Variants in CSMD1 observed in about 807,000 individuals in gnomAD.
The protein encoded by CSMD1 is CUB and sushi domain-containing protein 1.
Under a neutral mutation model 417.5 loss-of-function variants are expected in CSMD1, and 213 were observed. The observed-to-expected ratio is 0.51, with a 90% CI of 0.46 to 0.57. The LOEUF is 0.57. Among genes scored for constraint, CSMD1 ranks in the 20% least tolerant of loss-of-function variants. CSMD1 has a pLI of 0.00. For missense variants in CSMD1, 6,923 were observed against 4,529.7 expected (o/e 1.53, Z -15.17); for synonymous variants, 2,862 against 1,736.8 (o/e 1.65, Z -16.11).
intron 26 of CSMD1, among the ~76,000 whole-genome samples, chr8:3,252,001 C>T (rs2117036570): frequency 6.6e-6 from 1 of 152,310 alleles, no homozygotes. Flanking sequence ...AGAATCATGT[C>T]ATCTGCAAAC....
At chr8:4,796,264 C>G (rs1017162747) in intron 1 of CSMD1, among the ~76,000 whole-genome samples, 4 of 151,944 alleles carry the variant, frequency 2.6e-5, no homozygotes, top group African/African-American at 9.7e-5. Flanking sequence ...GAGGCTGGAA[C>G]AAGGAGCTGG....
intron 3 of CSMD1, among the ~76,000 whole-genome samples, chr8:4,207,133 G>C (rs1031848284): frequency 1.3e-5 from 2 of 152,256 alleles, no homozygotes; most frequent in East Asian, 1.9e-4. Context: ...AAATAGGACA[G>C]TTGGTAAAAA....
chr8:3,847,993 G>C (rs1803625274), intron 5 of CSMD1, among the ~76,000 whole-genome samples: 1 of 151,870 alleles, frequency 6.6e-6, no homozygotes, highest in Admixed American at 6.6e-5. Flanking sequence ...TCTCTATTCT[G>C]TGTATCTTGG....
intron 39 of CSMD1, 30 bp from the exon 40 acceptor site, chr8:3,151,543 A>G (rs756309087): frequency 3.6e-6 from 5 of 1,401,576 alleles, no homozygotes; most frequent in Non-Finnish European, 2.0e-6. Flanking sequence ...TCAGTCCTGC[A>G]GGTCCTCACT....
intron 26 of CSMD1, among the ~76,000 whole-genome samples, chr8:3,248,623 G>T (rs1800053444): frequency 7.2e-6 from 1 of 138,132 alleles, no homozygotes; most frequent in Admixed American, 8.4e-5. Context: ...TCCACCTCCT[G>T]GGTTCACGCT....
rs1045889926 is a variant in CSMD1, at chr8:4,888,077, C to T, written c.85+106255G>A. ...ATTTACTCTGAAGATAAACTTTCAA[C>T]AATGTAAAAATACATATGTACACTC... On this transcript the variant is annotated intron_variant, in intron 1 of 69. Coordinates refer to ENST00000635120, the MANE Select transcript of CSMD1 (RefSeq NM_033225.6). 6.6e-5 allele frequency among the ~76,000 whole-genome samples: 10 copies of T among 151,638 alleles called. 1 individual carries two copies. The South Asian group carries it at 2.1e-3, about 32-fold the overall frequency.
intron 3 of CSMD1, among the ~76,000 whole-genome samples, chr8:4,348,044 C>G (rs1282477799): frequency 6.6e-6 from 1 of 152,100 alleles, no homozygotes; most frequent in Non-Finnish European, 1.5e-5. Flanking sequence ...AGATTAGTTA[C>G]AACATACTCC....
intron 1 of CSMD1, among the ~76,000 whole-genome samples, chr8:4,752,574 G>A (rs1992202): frequency 0.45 from 68,241 of 151,950 alleles, 16,033 homozygotes; most frequent in East Asian, 0.62. Context: ...TGAAAACGAA[G>A]TGAATTAAAT....
chr8:3,720,173 G>T (rs1362225536), intron 6 of CSMD1, among the ~76,000 whole-genome samples: 2 of 152,164 alleles, frequency 1.3e-5, no homozygotes, highest in Non-Finnish European at 2.9e-5. Flanking sequence ...ACAGGAAGCT[G>T]GGGATGAACC....
At chr8:4,072,066 C>G (rs1041925248) in intron 3 of CSMD1, among the ~76,000 whole-genome samples, 2 of 152,174 alleles carry the variant, frequency 1.3e-5, no homozygotes, top group Admixed American at 6.5e-5. Context: ...GGTTTTGCCA[C>G]CAGCACTGAC....
At chr8:4,597,365 A>C (rs1289888814) in intron 2 of CSMD1, among the ~76,000 whole-genome samples, 2 of 152,256 alleles carry the variant, frequency 1.3e-5, no homozygotes, top group East Asian at 3.9e-4. Flanking sequence ...TCACAGACCT[A>C]AAGTAGTGTG....
intron 26 of CSMD1, chr8:3,278,864 G>A (rs756915351): frequency 1.3e-5 from 2 of 152,210 alleles, no homozygotes; most frequent in African/African-American, 2.4e-5. Context: ...GGGGACGAAT[G>A]TGGGTGGAGT....
chr8:4,237,853 T>C (rs1802160834), intron 3 of CSMD1, among the ~76,000 whole-genome samples: 1 of 152,140 alleles, frequency 6.6e-6, no homozygotes, highest in Admixed American at 6.5e-5. Flanking sequence ...TATTGTATTA[T>C]TTTTTTCTGG....
chr8:3,536,435 G>T (rs944334378), intron 10 of CSMD1, among the ~76,000 whole-genome samples: 1 of 152,202 alleles, frequency 6.6e-6, no homozygotes, highest in African/African-American at 2.4e-5. Flanking sequence ...TCAGAAAGCA[G>T]GTTCACCAAT....
At chr8:4,258,064 C>G (rs967017105) in intron 3 of CSMD1, among the ~76,000 whole-genome samples, 1 of 151,930 alleles carries the variant, frequency 6.6e-6, no homozygotes, top group African/African-American at 2.4e-5. Context: ...CCACCTCAGC[C>G]TCCCTAGTAA....
At chr8:3,719,069 G>A (rs1585128016) in intron 6 of CSMD1, among the ~76,000 whole-genome samples, 1 of 152,096 alleles carries the variant, frequency 6.6e-6, no homozygotes. Flanking sequence ...ACCCTCCTGA[G>A]GTGGAAAACA....
chr8:3,950,579 T>G (rs1050649715), intron 5 of CSMD1, among the ~76,000 whole-genome samples: 1 of 152,186 alleles, frequency 6.6e-6, no homozygotes, highest in Admixed American at 6.5e-5. Context: ...CATAGCAATA[T>G]TGCGTGAAAT....
chr8:4,980,045 A>G (rs1246858832), intron 1 of CSMD1, among the ~76,000 whole-genome samples: 1 of 152,194 alleles, frequency 6.6e-6, no homozygotes, highest in Non-Finnish European at 1.5e-5. Flanking sequence ...CCAAAAAATA[A>G]ATAAATAAAT....
chr8:3,616,403 A>T (rs1323531795), intron 8 of CSMD1, among the ~76,000 whole-genome samples: 1 of 152,162 alleles, frequency 6.6e-6, no homozygotes, highest in Non-Finnish European at 1.5e-5. Flanking sequence ...CATGATTGTA[A>T]GTTTCCTGAG....
Sources: gnomAD v4.1 joint callset for allele counts (sites outside exome capture counted in the v4.1 genomes callset) on GRCh38, gnomAD v4.1.1 for gene constraint, MANE v1.5 for transcripts, NCBI Gene and HGNC (gene_info 2026-07-23, HGNC 2026-07-21) for gene names.